Variants in EPB41L3 observed in about 807,000 individuals in gnomAD.
EPB41L3 encodes the protein band 4.1-like protein 3.
A neutral mutation model predicts 127.1 loss-of-function variants in EPB41L3; 57 were observed. That is an observed-to-expected ratio of 0.45 (90% CI 0.36 to 0.56). The LOEUF (loss-of-function observed/expected upper bound fraction) is 0.56, where lower values mean the gene tolerates loss of function less well. EPB41L3 is among the 20% of genes least tolerant of loss of function. The probability of loss-of-function intolerance (pLI) is 0.00; values close to 1 mark genes in which losing one functional copy is unlikely to be tolerated. For synonymous variants in EPB41L3, 572 were observed against 549.5 expected, an observed-to-expected ratio of 1.04 and a Z score of -0.57; for missense variants, 1,273 against 1,372.2, an observed-to-expected ratio of 0.93 and a Z score of 1.14.
chr18:5,565,388 G>T (rs1415167311), intron 3 of EPB41L3, among the ~76,000 whole-genome samples: 1 of 152,022 alleles, frequency 6.6e-6, no homozygotes, highest in African/African-American at 2.4e-5. Flanking sequence ...CTCCAGCCTG[G>T]GCAACAGAGC....
chr18:5,411,090 C>G (rs1173554795), intron 13 of EPB41L3, among the ~76,000 whole-genome samples: 1 of 152,188 alleles, frequency 6.6e-6, no homozygotes, highest in African/African-American at 2.4e-5. Flanking sequence ...ACTGGACTTT[C>G]AGCCTCTCAT....
chr18:5,561,100 C>T (rs2094125749), intron 3 of EPB41L3, among the ~76,000 whole-genome samples: 1 of 148,826 alleles, frequency 6.7e-6, no homozygotes, highest in South Asian at 2.2e-4. Flanking sequence ...GCCTCAGCCT[C>T]CCGAGTAGCT....
chr18:5,401,642 G>T (rs1391046099), intron 16 of EPB41L3, among the ~76,000 whole-genome samples: 1 of 151,960 alleles, frequency 6.6e-6, no homozygotes, highest in East Asian at 1.9e-4. Flanking sequence ...TTATAACATG[G>T]TTAATAATTT....
At chr18:5,427,749 A>AT (rs1479143289) in intron 9 of EPB41L3, among the ~76,000 whole-genome samples, 8 of 151,808 alleles carry the variant, frequency 5.3e-5, no homozygotes, top group East Asian at 3.9e-4. Flanking sequence ...ATGATACTGG[A>AT]ATTTTTTTTT....
intron 10 of EPB41L3, 97 bp from the exon 11 acceptor site, chr18:5,423,650 G>A: frequency 1.8e-6 from 2 of 1,126,058 alleles, no homozygotes; most frequent in Non-Finnish European, 1.2e-6. Flanking sequence ...TGTTTTGCAT[G>A]CTAAACATTT....
At chr18:5,468,048 A>T (rs940594302) in intron 3 of EPB41L3, among the ~76,000 whole-genome samples, 2 of 152,082 alleles carry the variant, frequency 1.3e-5, no homozygotes, top group African/African-American at 2.4e-5. Context: ...TTCAGAGCAA[A>T]GTTGTGGCTG....
chr18:5,512,136 G>A (rs1309213907), intron 1 of EPB41L3, among the ~76,000 whole-genome samples: 1 of 152,160 alleles, frequency 6.6e-6, no homozygotes, highest in Non-Finnish European at 1.5e-5. Context: ...GTATGCTAAT[G>A]CTGGGGACAT....
At chr18:5,553,912 C>A (rs907437031) in intron 3 of EPB41L3, among the ~76,000 whole-genome samples, 5 of 152,202 alleles carry the variant, frequency 3.3e-5, no homozygotes, top group African/African-American at 1.2e-4. Context: ...CCAGCCCCAC[C>A]GTTCTGAACA....
At chr18:5,592,648 A>AGGCTTCC (rs1462792589) in intron 3 of EPB41L3, among the ~76,000 whole-genome samples, 1 of 152,192 alleles carries the variant, frequency 6.6e-6, no homozygotes, top group Non-Finnish European at 1.5e-5. Flanking sequence ...ATATGGAGCC[A>AGGCTTCC]GGCTTCCCAT....
intron 3 of EPB41L3, among the ~76,000 whole-genome samples, chr18:5,575,365 G>A (rs946015035): frequency 1.3e-5 from 2 of 152,028 alleles, no homozygotes; most frequent in Non-Finnish European, 2.9e-5. Flanking sequence ...TGAATGGCTT[G>A]GTGCTGCCCT....
Position 5,489,025 on chromosome 18 carries a change from C to T in EPB41L3, c.159G>A (p.Ala53=). ...QALEQFAAAA[A]HSTPVRREVT... ...CCTCCCTCCGCACCGGGGTGCTGTG[C>T]GCTGCAGCGGCGGCGAACTGCTCCA... Residue 53 remains alanine, a synonymous_variant, in exon 2 of 23, where the codon GCG becomes GCA. Transcript: ENST00000341928. 3 of 1,588,866 alleles carry T rather than the reference C, an allele frequency of 1.9e-6. No homozygotes were observed. The highest frequency in any genetic ancestry group is 1.1e-5 in the South Asian group (1 of 90,016).
Position 5,438,206 on chromosome 18 carries a change from A to T in EPB41L3, c.530-96T>A, listed in dbSNP as rs1332768522. On this transcript the variant is annotated intron_variant, in intron 5 of 22. Coordinates refer to ENST00000341928, the MANE Select transcript of EPB41L3 (RefSeq NM_012307.5). Reference sequence around the variant, plus strand: ...GCCTTAACTCCAAGCATTAACACCCAGGCAACTTTTGACCATTAATGGAAA... The same window carrying T: ...GCCTTAACTCCAAGCATTAACACCCTGGCAACTTTTGACCATTAATGGAAA... 2.7e-6 allele frequency: 3 copies of T among 1,117,664 alleles called. No individual in the cohort carries two copies. The East Asian group carries it at 7.5e-5, about 28-fold the overall frequency. 69.2% of individuals were successfully genotyped at this position (1,117,664 alleles called of 1,614,324 possible). A position where few individuals can be genotyped will look rare whatever the true frequency, so the allele number is the denominator to read the frequency against.
intron 9 of EPB41L3, among the ~76,000 whole-genome samples, chr18:5,425,068 G>C (rs1019951535): frequency 7.2e-5 from 11 of 152,140 alleles, no homozygotes; most frequent in African/African-American, 2.7e-4. Context: ...TACTGCAGAT[G>C]CACAGGTTTT....
At chr18:5,414,342 G>A (rs757862809) in intron 13 of EPB41L3, among the ~76,000 whole-genome samples, 1 of 152,102 alleles carries the variant, frequency 6.6e-6, no homozygotes, top group Non-Finnish European at 1.5e-5. Flanking sequence ...TATAACTCAA[G>A]AACCTTGAAA....
chr18:5,620,333 A>G (rs2094846404), intron 1 of EPB41L3, among the ~76,000 whole-genome samples: 1 of 152,162 alleles, frequency 6.6e-6, no homozygotes, highest in Non-Finnish European at 1.5e-5. Context: ...TACTACAGAG[A>G]CCAATGCTAC....
chr18:5,608,524 A>G (rs1289822762), intron 3 of EPB41L3, among the ~76,000 whole-genome samples: 3 of 152,146 alleles, frequency 2.0e-5, no homozygotes, highest in African/African-American at 4.8e-5. Context: ...TATTTTTAGG[A>G]TGAGAGATTT....
At chr18:5,427,907 G>A (rs1050111430) in intron 9 of EPB41L3, among the ~76,000 whole-genome samples, 4 of 151,954 alleles carry the variant, frequency 2.6e-5, no homozygotes, top group Admixed American at 6.6e-5. Context: ...CACTACGCCC[G>A]GCTAATTTTT....
intron 3 of EPB41L3, among the ~76,000 whole-genome samples, chr18:5,596,255 C>G (rs929593035): frequency 6.6e-6 from 1 of 152,144 alleles, no homozygotes; most frequent in Non-Finnish European, 1.5e-5. Flanking sequence ...ATTTCTGGGT[C>G]CCACCCCTGC....
chr18:5,571,037 A>G (rs1174550185), intron 3 of EPB41L3: 2 of 152,206 alleles, frequency 1.3e-5, no homozygotes, highest in African/African-American at 4.8e-5. Flanking sequence ...GAGAATTATA[A>G]TTATGTGCAT....
Sources: gnomAD v4.1 joint callset for allele counts (sites outside exome capture counted in the v4.1 genomes callset) on GRCh38, gnomAD v4.1.1 for gene constraint, MANE v1.5 for transcripts, NCBI Gene and HGNC (gene_info 2026-07-23, HGNC 2026-07-21) for gene names.